KAZN: variants seen among roughly 807,000 people sequenced by gnomAD.
KAZN encodes kazrin.
KAZN carries 40 observed loss-of-function variants against 87.4 expected under a neutral mutation model. That is an observed-to-expected ratio of 0.46 (90% CI 0.36 to 0.60). The LOEUF (loss-of-function observed/expected upper bound fraction) is 0.60. KAZN is among the 20% of genes least tolerant of loss of function. The pLI is 0.00. For missense variants in KAZN, 898 were observed against 1,073.9 expected (o/e 0.84, Z 2.29); for synonymous variants, 466 against 458.3 (o/e 1.02, Z -0.22).
intron 1 of KAZN, among the ~76,000 whole-genome samples, chr1:14,650,577 T>G (rs1184144821): frequency 6.6e-6 from 1 of 152,042 alleles, no homozygotes; most frequent in Non-Finnish European, 1.5e-5. Context: ...AAAGACACAA[T>G]GGGACCAAGA....
At chr1:14,980,050 G>A (rs370042669) in intron 2 of KAZN, among the ~76,000 whole-genome samples, 214 of 152,004 alleles carry the variant, frequency 1.4e-3, no homozygotes, top group African/African-American at 4.5e-3. Flanking sequence ...CACCACACCT[G>A]GCTAATTTTT....
At chr1:14,952,984 G>A (rs1303522359) in intron 1 of KAZN, among the ~76,000 whole-genome samples, 1 of 151,812 alleles carries the variant, frequency 6.6e-6, no homozygotes, top group African/African-American at 2.4e-5. Flanking sequence ...CTTGTCCACA[G>A]GTCAAATAGC....
chr1:15,006,530 G>A (rs1328089080), intron 2 of KAZN, among the ~76,000 whole-genome samples: 1 of 152,220 alleles, frequency 6.6e-6, no homozygotes, highest in East Asian at 1.9e-4. Context: ...TGAGGCCCAC[G>A]TGTCAGAGCG....
chr1:15,056,190 G>T lies in KAZN; in HGVS notation c.826G>T (p.Val276Leu), dbSNP rs1384647132. ...GCTCAATGGCAACCAGGAGTGGGTG[G>T]TGCAGGCGGACCTCCCGCTGACCGC... ...TVLNGNQEWV[V>L]QADLPLTAAI... is the part of the protein sequence containing the mutation. Residue 276 changes from valine (V) to leucine (L), a missense_variant, in exon 5 of 15, where the codon GTG becomes TTG. Coordinates refer to ENST00000376030, the MANE Select transcript of KAZN (RefSeq NM_201628.3). The surrounding 1 kb of genome is among the most constrained non-coding windows in gnomAD (Gnocchi z 5.4). The T allele has an allele frequency of 1.2e-6, 2 of 1,614,168 alleles. No individual in the cohort carries two copies. The highest frequency in any genetic ancestry group is 4.5e-5 in the East Asian group (2 of 44,868).
At chr1:14,766,146 G>A (rs1644877167) in intron 1 of KAZN, among the ~76,000 whole-genome samples, 1 of 152,178 alleles carries the variant, frequency 6.6e-6, no homozygotes, top group African/African-American at 2.4e-5. Flanking sequence ...TGCCACCGTG[G>A]GCAACTGGAG....
At chr1:14,985,461 C>T (rs1312752738) in intron 2 of KAZN, among the ~76,000 whole-genome samples, 1 of 151,692 alleles carries the variant, frequency 6.6e-6, no homozygotes. Context: ...GCCCAGGAGG[C>T]CAAGGCTGCA....
chr1:15,099,328 C>G lies in KAZN; in HGVS notation c.1548-2215C>G, dbSNP rs1477226299. Among the ~76,000 whole-genome samples the G allele has an allele frequency of 1.3e-5, 2 of 152,196 alleles. No individual in the cohort carries two copies. Among genetic ancestry groups the G allele is most frequent in the East Asian group, 3.9e-4 (2 of 5,194 alleles). On this transcript the variant is annotated intron_variant, in intron 10 of 14. Transcript: ENST00000376030. This position sits in a 1 kb window ranked among gnomAD's most constrained non-coding sequence, Gnocchi z 5.4. Reference sequence around the variant, plus strand: ...CAGTTTCTGTCCTGAATGAGCTTATCTGCTAAGGTGGGGAAGAGAGAAAAT... The same window carrying G: ...CAGTTTCTGTCCTGAATGAGCTTATGTGCTAAGGTGGGGAAGAGAGAAAAT...
intron 1 of KAZN, among the ~76,000 whole-genome samples, chr1:14,825,323 C>T (rs1464393604): frequency 2.6e-5 from 4 of 152,244 alleles, no homozygotes; most frequent in Non-Finnish European, 4.4e-5. Flanking sequence ...CTTTTCTCAT[C>T]TGTCCTAGAA....
chr1:14,802,006 C>T (rs966749583), intron 1 of KAZN, among the ~76,000 whole-genome samples: 17 of 152,056 alleles, frequency 1.1e-4, no homozygotes, highest in African/African-American at 3.9e-4. Flanking sequence ...TTTTTCTCTG[C>T]GCTGAAGAGA....
At chr1:14,798,308 G>C (rs959566085) in intron 1 of KAZN, among the ~76,000 whole-genome samples, 1 of 152,002 alleles carries the variant, frequency 6.6e-6, no homozygotes, top group African/African-American at 2.4e-5. Flanking sequence ...TAATTAAGTA[G>C]GGCAGCATCC....
chr1:14,710,620 C>G (rs1444153909), intron 1 of KAZN, among the ~76,000 whole-genome samples: 1 of 152,188 alleles, frequency 6.6e-6, no homozygotes, highest in Non-Finnish European at 1.5e-5. Flanking sequence ...TCCCCACCCC[C>G]CGGTACCAGC....
intron 1 of KAZN, among the ~76,000 whole-genome samples, chr1:14,126,668 G>C (rs1233931587): frequency 1.3e-5 from 2 of 152,068 alleles, no homozygotes; most frequent in Admixed American, 1.3e-4. Flanking sequence ...GAGAGGTGAA[G>C]TGATTTCCCC....
chr1:14,906,976 T>C (rs1229727221), intron 1 of KAZN, among the ~76,000 whole-genome samples: 1 of 151,912 alleles, frequency 6.6e-6, no homozygotes, highest in African/African-American at 2.4e-5. Context: ...ACCCCCAGGA[T>C]GTGTCCTCTG....
intron 1 of KAZN, among the ~76,000 whole-genome samples, chr1:14,121,996 T>C (rs1053540574): frequency 2.6e-5 from 4 of 152,132 alleles, no homozygotes; most frequent in African/African-American, 9.7e-5. Context: ...ACACAGTAGA[T>C]GAGGCTAGAG....
chr1:14,332,866 G>C (rs79591411), intron 2 of KAZN, among the ~76,000 whole-genome samples: 2 of 149,428 alleles, frequency 1.3e-5, no homozygotes, highest in African/African-American at 5.0e-5. Context: ...AATTAAAAGG[G>C]TTTCTTTTTT....
intron 2 of KAZN, among the ~76,000 whole-genome samples, chr1:14,395,108 GA>G (rs1381829510): frequency 2.6e-5 from 4 of 151,968 alleles, no homozygotes; most frequent in Admixed American, 6.6e-5. Context: ...GAATAAGGGG[GA>G]AAAGAAGGAA....
chr1:14,551,633 T>C (rs993550345), intron 2 of KAZN, among the ~76,000 whole-genome samples: 8 of 152,162 alleles, frequency 5.3e-5, no homozygotes, highest in African/African-American at 1.9e-4. Flanking sequence ...CATATGTTAA[T>C]AGCGACCTGG....
chr1:14,088,952 C>G (rs1227013310), intron 1 of KAZN, among the ~76,000 whole-genome samples: 2 of 141,208 alleles, frequency 1.4e-5, no homozygotes, highest in African/African-American at 5.2e-5. Flanking sequence ...TACCATCATT[C>G]TAATTTTTTT....
At chr1:14,502,134 A>C (rs543632311) in intron 2 of KAZN, among the ~76,000 whole-genome samples, 5 of 152,034 alleles carry the variant, frequency 3.3e-5, no homozygotes, top group Admixed American at 1.3e-4. Context: ...TATCTTAATA[A>C]AGCTGTTTTT....
Sources: gnomAD v4.1 joint callset for allele counts (sites outside exome capture counted in the v4.1 genomes callset) on GRCh38, gnomAD v4.1.1 for gene constraint, Gnocchi (gnomAD v3.1) non-coding constraint, MANE v1.5 for transcripts, NCBI Gene and HGNC (gene_info 2026-07-23, HGNC 2026-07-21) for gene names.